The following IL12RB2 variants were observed in gnomAD, a reference collection of about 807,000 sequenced individuals.
The protein encoded by IL12RB2 is interleukin-12 receptor subunit beta-2.
IL12RB2 carries 82 observed loss-of-function variants against 89.4 expected under a neutral mutation model. That is an observed-to-expected ratio of 0.92 (90% CI 0.77 to 1.10). The LOEUF (loss-of-function observed/expected upper bound fraction) is 1.10, where lower values mean the gene tolerates loss of function less well. Ranked by LOEUF, IL12RB2 falls within the 50% of genes least tolerant of loss-of-function variation. The pLI, the probability that IL12RB2 is intolerant of heterozygous loss-of-function variation, is 0.00. For synonymous variants in IL12RB2, 368 were observed against 370.1 expected, an observed-to-expected ratio of 0.99 and a Z score of 0.07; for missense variants, 963 against 1,031.9, an observed-to-expected ratio of 0.93 and a Z score of 0.92.
chr1:67,394,387 T>C lies in IL12RB2; in HGVS notation c.2047-1160T>C, dbSNP rs558964954. Reference sequence around the variant, plus strand: ...AAAATGTTAATAAAGTGCCAAGGACTTGGACTCAGGAATTGGCAGCAAGTT... The same window carrying C: ...AAAATGTTAATAAAGTGCCAAGGACCTGGACTCAGGAATTGGCAGCAAGTT... On this transcript the variant is annotated intron_variant, in intron 16 of 16. Coordinates refer to ENST00000674203, the MANE Select transcript of IL12RB2 (RefSeq NM_001374259.2). Among the ~76,000 whole-genome samples, 395 of 152,088 alleles carry C rather than the reference T, an allele frequency of 2.6e-3. 4 individuals carry two copies. The highest frequency in any genetic ancestry group is 8.3e-3 in the Admixed American group (127 of 15,266).
At chr1:67,337,434 C>T (rs1658910330) in intron 8 of IL12RB2, among the ~76,000 whole-genome samples, 1 of 152,188 alleles carries the variant, frequency 6.6e-6, no homozygotes, top group African/African-American at 2.4e-5. Flanking sequence ...AATGACTTCA[C>T]TCACTCACGT....
intron 9 of IL12RB2, among the ~76,000 whole-genome samples, chr1:67,346,378 A>ATTT (rs10577525): frequency 1.1e-5 from 1 of 93,892 alleles, no homozygotes; most frequent in Non-Finnish European, 2.0e-5. Context: ...AGGGTTGTCT[A>ATTT]TTTTTTTTTT....
At chr1:67,310,498 C>T (rs950180404) in intron 1 of IL12RB2, among the ~76,000 whole-genome samples, 11 of 152,232 alleles carry the variant, frequency 7.2e-5, no homozygotes, top group Middle Eastern at 3.4e-3. Flanking sequence ...TAGTTTTAAT[C>T]AAATCAGTCT....
intron 13 of IL12RB2, among the ~76,000 whole-genome samples, chr1:67,373,524 A>G (rs1663601560): frequency 6.6e-6 from 1 of 152,234 alleles, no homozygotes; most frequent in African/African-American, 2.4e-5. Flanking sequence ...ATAAAATATG[A>G]TACAGTTTAA....
At chr1:67,336,538 C>T (rs1658783076) in intron 8 of IL12RB2, among the ~76,000 whole-genome samples, 2 of 152,074 alleles carry the variant, frequency 1.3e-5, no homozygotes, top group South Asian at 4.1e-4. Flanking sequence ...GTGTTGCTTA[C>T]CTCTAAGTCC....
Position 67,394,746 on chromosome 1 carries a change from C to T in IL12RB2, c.2047-801C>T, listed in dbSNP as rs1002938310. On this transcript the variant is annotated intron_variant, in intron 16 of 16. Transcript: ENST00000674203. ...TCGGGTTACCAGTCATAAGAAATAA[C>T]TAGCAGGTTCCAAAATACACCAGTC... Among the ~76,000 whole-genome samples the T allele has an allele frequency of 3.3e-5, 5 of 152,150 alleles. No individual in the cohort carries two copies. The East Asian group carries it at 7.7e-4, about 23-fold the overall frequency.
In IL12RB2 at chr1:67,379,983, C is replaced by T. The variant is rs779623926; in HGVS notation, c.1718-3C>T. ...TGCCTTTCTTCCTTTATCTTCCTTT[C>T]AGAAATTCCCTACAGAGTCTCCCAA... On this transcript the variant is annotated splice_polypyrimidine_tract_variant and splice_region_variant and intron_variant, in intron 13 of 16. Transcript: ENST00000674203. 1 of 1,604,976 alleles carries T rather than the reference C, an allele frequency of 6.2e-7. No homozygotes were observed. The highest frequency in any genetic ancestry group is 1.1e-5 in the South Asian group (1 of 90,868).
intron 10 of IL12RB2, among the ~76,000 whole-genome samples, chr1:67,357,111 C>G (rs1661482211): frequency 6.6e-6 from 1 of 152,166 alleles, no homozygotes; most frequent in Non-Finnish European, 1.5e-5. Flanking sequence ...TATTCTGGCA[C>G]TTTGGGAGGC....
Position 67,330,692 on chromosome 1 carries a change from T to C in IL12RB2, c.840T>C (p.Asp280=), listed in dbSNP as rs150344138. 10 of 1,559,248 alleles carry C rather than the reference T, an allele frequency of 6.4e-6. No homozygotes were observed. In the African/African-American group the frequency reaches 8.1e-5, roughly 13 times the overall value. Residue 280 remains aspartate (D), a synonymous_variant, in exon 8 of 17, where the codon GAT becomes GAC. Transcript: ENST00000674203. Reference sequence around the variant, plus strand: ...TTACAAAGGCCAAAGGAAGACATGATTTGCTGGATCTGAAACCATTTACAG... The same window carrying C: ...TTACAAAGGCCAAAGGAAGACATGACTTGCTGGATCTGAAACCATTTACAG... The part of the protein sequence containing the change: ...VNVTKAKGRH[D]LLDLKPFTEY...
chr1:67,394,840 C>T (rs975821828), intron 16 of IL12RB2, among the ~76,000 whole-genome samples: 2 of 152,218 alleles, frequency 1.3e-5, no homozygotes, highest in African/African-American at 4.8e-5. Context: ...GCTCTCGTGT[C>T]CCTTCATCAC....
chr1:67,355,369 ATGCCACT>A, intron 10 of IL12RB2, among the ~76,000 whole-genome samples: 1 of 149,690 alleles, frequency 6.7e-6, no homozygotes, highest in Admixed American at 6.7e-5. Context: ...AGCCAAGATC[ATGCCACT>A]TGTACTCCAG....
At chr1:67,330,029 T>C (rs775549604) in intron 7 of IL12RB2, among the ~76,000 whole-genome samples, 1 of 152,138 alleles carries the variant, frequency 6.6e-6, no homozygotes, top group African/African-American at 2.4e-5. Flanking sequence ...TTTTTTAGCA[T>C]TTAAAAAAGA....
chr1:67,336,634 G>C (rs963655269), intron 8 of IL12RB2, among the ~76,000 whole-genome samples: 1 of 152,216 alleles, frequency 6.6e-6, no homozygotes, highest in Admixed American at 6.5e-5. Flanking sequence ...AGTAGAGCAA[G>C]AAAGGCAGGA....
chr1:67,363,916 T>C (rs563617354), intron 10 of IL12RB2, among the ~76,000 whole-genome samples: 4 of 151,972 alleles, frequency 2.6e-5, no homozygotes, highest in Admixed American at 2.6e-4. Context: ...ACAAACAAAA[T>C]GAGGGATAGA....
At chr1:67,385,705 G>A (rs1665059891) in intron 14 of IL12RB2, among the ~76,000 whole-genome samples, 1 of 152,190 alleles carries the variant, frequency 6.6e-6, no homozygotes, top group Non-Finnish European at 1.5e-5. Flanking sequence ...CTTTTCATAG[G>A]AAAGAATAGG....
intron 5 of IL12RB2, among the ~76,000 whole-genome samples, chr1:67,327,764 A>T (rs1483745133): frequency 6.6e-6 from 1 of 152,230 alleles, no homozygotes; most frequent in African/African-American, 2.4e-5. Context: ...ACCTAAAGGA[A>T]ACATCTATTG....
chr1:67,317,897 G>T (rs1212535349), intron 2 of IL12RB2, among the ~76,000 whole-genome samples: 1 of 152,138 alleles, frequency 6.6e-6, no homozygotes, highest in East Asian at 1.9e-4. Flanking sequence ...AAGTAATTAA[G>T]TAAAGGAATA....
chr1:67,344,302 TTC>T (rs1368463950), intron 9 of IL12RB2, among the ~76,000 whole-genome samples: 1 of 152,346 alleles, frequency 6.6e-6, no homozygotes, highest in Admixed American at 6.5e-5. Flanking sequence ...ATAATTTTTT[TTC>T]TTTTTTGAGA....
intron 10 of IL12RB2, among the ~76,000 whole-genome samples, chr1:67,351,399 T>C (rs748787704): frequency 1.2e-4 from 19 of 152,234 alleles, no homozygotes; most frequent in Non-Finnish European, 2.6e-4. Context: ...AAGGAAATAC[T>C]AGTTACATTA....
Sources: allele counts gnomAD v4.1 joint callset (sites outside exome capture counted in the v4.1 genomes callset), GRCh38; gene constraint gnomAD v4.1.1; transcripts MANE v1.5; gene names NCBI Gene and HGNC (gene_info 2026-07-23, HGNC 2026-07-21).